Variants in HTRA1 observed in about 807,000 individuals in gnomAD.
HTRA1 encodes the protein serine protease HTRA1.
A neutral mutation model predicts 49.7 loss-of-function variants in HTRA1; 26 were observed. The ratio of observed to expected loss-of-function variants is 0.52; its 90% confidence interval spans 0.38 to 0.73. The LOEUF is 0.73. Ranked by LOEUF, HTRA1 falls within the 30% of genes least tolerant of loss-of-function variation. HTRA1 has a pLI of 0.00. For synonymous variants in HTRA1, 291 were observed against 286.9 expected, an observed-to-expected ratio of 1.01 and a Z score of -0.14; for missense variants, 561 against 667.2, an observed-to-expected ratio of 0.84 and a Z score of 1.75.
At chr10:122,475,839 G>C (rs2672587) in intron 1 of HTRA1, among the ~76,000 whole-genome samples, 106,543 of 152,152 alleles carry the variant, frequency 0.7, 37,873 homozygotes, top group Middle Eastern at 0.81. Context: ...TGCAAGGTCT[G>C]GCTTCTGTTT....
intron 1 of HTRA1, among the ~76,000 whole-genome samples, chr10:122,478,518 G>A (rs1432682850): frequency 2.7e-5 from 4 of 149,266 alleles, no homozygotes; most frequent in East Asian, 2.0e-4. Flanking sequence ...TCAGCCTCCC[G>A]AGTAGCTGGG....
intron 1 of HTRA1, among the ~76,000 whole-genome samples, chr10:122,475,104 C>G (rs879627060): frequency 6.6e-6 from 1 of 152,222 alleles, no homozygotes; most frequent in African/African-American, 2.4e-5. Flanking sequence ...CGAATCTACT[C>G]TATTTGAGAG....
At chr10:122,510,554 C>T (rs1011656262) in intron 7 of HTRA1, among the ~76,000 whole-genome samples, 2 of 152,184 alleles carry the variant, frequency 1.3e-5, no homozygotes, top group African/African-American at 4.8e-5. Flanking sequence ...ACTCTGCTTT[C>T]GTTGCTCTGC....
intron 1 of HTRA1, among the ~76,000 whole-genome samples, chr10:122,466,371 G>C (rs779265417): frequency 6.6e-6 from 1 of 152,108 alleles, no homozygotes; most frequent in Non-Finnish European, 1.5e-5. Flanking sequence ...GTTTCACCGT[G>C]TTAGCCAGGA....
At chr10:122,510,569 C>G (rs568266452) in intron 7 of HTRA1, among the ~76,000 whole-genome samples, 1 of 152,134 alleles carries the variant, frequency 6.6e-6, no homozygotes, top group African/African-American at 2.4e-5. Flanking sequence ...CTCTGCAGCT[C>G]GTGGGCCGCG....
chr10:122,486,397 T>C (rs2097493100), intron 1 of HTRA1, among the ~76,000 whole-genome samples: 1 of 152,248 alleles, frequency 6.6e-6, no homozygotes, highest in Non-Finnish European at 1.5e-5. Flanking sequence ...GATCTTTTTC[T>C]GTACCTTAGA....
intron 1 of HTRA1, among the ~76,000 whole-genome samples, chr10:122,470,486 G>A (rs1256175487): frequency 6.6e-6 from 1 of 152,094 alleles, no homozygotes; most frequent in African/African-American, 2.4e-5. Context: ...ATGCTTCAGT[G>A]CTAGGAATCC....
intron 5 of HTRA1, among the ~76,000 whole-genome samples, chr10:122,508,026 G>GAGGGCAGCTCTGGGGCCATTTATAT: frequency 6.6e-6 from 1 of 152,078 alleles, no homozygotes; most frequent in South Asian, 2.1e-4. Context: ...GCCATTTATA[G>GAGGGCAGCTCTGGGGCCATTTATAT]GGGCTGTCTT....
chr10:122,491,899 G>A (rs1310968515), intron 3 of HTRA1, among the ~76,000 whole-genome samples: 1 of 152,212 alleles, frequency 6.6e-6, no homozygotes, highest in African/African-American at 2.4e-5. Flanking sequence ...GGTTTCCACT[G>A]ACTAAACTGC....
At chr10:122,480,557 T>C (rs2097490546) in intron 1 of HTRA1, among the ~76,000 whole-genome samples, 1 of 151,718 alleles carries the variant, frequency 6.6e-6, no homozygotes. Context: ...GGCCATGGAG[T>C]GTTGGTGATT....
chr10:122,507,878 G>T (rs952971540), intron 5 of HTRA1, among the ~76,000 whole-genome samples: 4 of 152,170 alleles, frequency 2.6e-5, no homozygotes, highest in African/African-American at 9.6e-5. Flanking sequence ...CACCCACAAA[G>T]ATATCACTTA....
chr10:122,480,009 A>C (rs1000134846), intron 1 of HTRA1, among the ~76,000 whole-genome samples: 1 of 152,096 alleles, frequency 6.6e-6, no homozygotes, highest in Non-Finnish European at 1.5e-5. Flanking sequence ...GGGAGACGGA[A>C]ACGCAGGTGA....
Position 122,461,674 on chromosome 10 carries a change from C to A in HTRA1, c.22C>A (p.Leu8Ile), listed in dbSNP as rs765291040. ...CGCCATGCAGATCCCGCGCGCCGCTCTTCTCCCGCTGCTGCTGCTGCTGCT... is the reference window on the plus strand; with the variant it reads ...CGCCATGCAGATCCCGCGCGCCGCTATTCTCCCGCTGCTGCTGCTGCTGCT... MQIPRAA[L>I]LPLLLLLLAA... The change falls in exon 1 of 9, where the codon CTT (leucine) becomes ATT (isoleucine). Residue 8 changes from leucine to isoleucine, a missense_variant. Leu to Ile is a conservative substitution (Grantham distance 5). Transcript: ENST00000368984. The A allele has an allele frequency of 7.6e-7, 1 of 1,315,614 alleles. No homozygotes were observed. The highest frequency in any genetic ancestry group is 4.6e-5 in the East Asian group (1 of 21,796). The allele number at this position is 1,315,614 out of a possible 1,614,324, so 81.5% of individuals were successfully genotyped here.
intron 1 of HTRA1, among the ~76,000 whole-genome samples, chr10:122,466,204 C>T (rs893266218): frequency 1.3e-5 from 2 of 152,054 alleles, no homozygotes; most frequent in African/African-American, 2.4e-5. Flanking sequence ...CTCGTTCTGT[C>T]GCCTACGCTG....
Position 122,490,945 on chromosome 10 carries a change from G to C in HTRA1, c.777+1319G>C, listed in dbSNP as rs2097495506. ...TGTTCCTGTAGCTTCTCTATGGCTG[G>C]GTGGCCAGGCATGGCCGAAGAGGCT... On this transcript the variant is annotated intron_variant, in intron 3 of 8. Transcript: ENST00000368984. The surrounding 1 kb of genome is among the most constrained non-coding windows in gnomAD (Gnocchi z 4.2). Among the ~76,000 whole-genome samples, 1 of 152,160 alleles carries C rather than the reference G, an allele frequency of 6.6e-6. No homozygotes were observed.
chr10:122,506,983 G>A lies in HTRA1; in HGVS notation c.972+98G>A. 8.9e-7 allele frequency: 1 copy of A among 1,122,214 alleles called. No individual in the cohort carries two copies. Among genetic ancestry groups the A allele is most frequent in the Non-Finnish European group, 1.3e-6 (1 of 762,466 alleles). 69.5% of individuals were successfully genotyped at this position (1,122,214 alleles called of 1,614,324 possible). A position where few individuals can be genotyped will look rare whatever the true frequency, so the allele number is the denominator to read the frequency against. On this transcript the variant is annotated intron_variant, in intron 4 of 8. Coordinates refer to ENST00000368984, the MANE Select transcript of HTRA1 (RefSeq NM_002775.5). This position sits in a 1 kb window ranked among gnomAD's most constrained non-coding sequence, Gnocchi z 5.2. Reference sequence around the variant, plus strand: ...TTAGCCCCTGACTTTGTTGTAGTCTGCGTGAAGGGATGGAACTAGACCAAG... The same window carrying A: ...TTAGCCCCTGACTTTGTTGTAGTCTACGTGAAGGGATGGAACTAGACCAAG...
At chr10:122,476,348 C>T (rs773162641) in intron 1 of HTRA1, among the ~76,000 whole-genome samples, 39 of 152,178 alleles carry the variant, frequency 2.6e-4, no homozygotes, top group East Asian at 1.9e-4. Flanking sequence ...CTTGGCCTCC[C>T]GAATGTGGAC....
chr10:122,462,252 C>A, intron 1 of HTRA1, 128 bp downstream of exon 1: 1 of 829,202 alleles, frequency 1.2e-6, no homozygotes, highest in South Asian at 1.6e-5. Flanking sequence ...CTCTCGGGGA[C>A]AGGCAGGTGG....
chr10:122,471,747 C>T (rs1327998412), intron 1 of HTRA1, among the ~76,000 whole-genome samples: 1 of 152,218 alleles, frequency 6.6e-6, no homozygotes, highest in Non-Finnish European at 1.5e-5. Context: ...TGTCCTGAGA[C>T]CCAGGGCTGA....
Sources: gnomAD v4.1 joint callset for allele counts (sites outside exome capture counted in the v4.1 genomes callset) on GRCh38, gnomAD v4.1.1 for gene constraint, Gnocchi (gnomAD v3.1) non-coding constraint, MANE v1.5 for transcripts, NCBI Gene and HGNC (gene_info 2026-07-23, HGNC 2026-07-21) for gene names.